The following LRCH1 variants were observed in gnomAD, a reference collection of about 807,000 sequenced individuals.
LRCH1 encodes the protein leucine-rich repeat and calponin homology domain-containing protein 1.
In LRCH1, 23 loss-of-function variants were observed where a neutral mutation model predicts 94.9. That is an observed-to-expected ratio of 0.24 (90% confidence interval 0.17 to 0.34). The LOEUF (loss-of-function observed/expected upper bound fraction) is 0.34, where lower values mean the gene tolerates loss of function less well. Ranked by LOEUF, LRCH1 falls within the 10% of genes least tolerant of loss-of-function variation. The pLI, the probability that LRCH1 is intolerant of heterozygous loss-of-function variation, is 1.00. For missense variants in LRCH1, 790 were observed against 945.9 expected (o/e 0.84, Z 2.16); for synonymous variants, 364 against 354.9 (o/e 1.03, Z -0.29).
At chr13:46,740,104 G>GATT (rs1281527757) in intron 19 of LRCH1, among the ~76,000 whole-genome samples, 2 of 152,134 alleles carry the variant, frequency 1.3e-5, no homozygotes, top group Non-Finnish European at 2.9e-5. Flanking sequence ...GATTTCCCTG[G>GATT]TCAAGCACAA....
At chr13:46,667,811 T>TGAGCAGAAAAATGA (rs2051539859) in intron 2 of LRCH1, among the ~76,000 whole-genome samples, 1 of 152,190 alleles carries the variant, frequency 6.6e-6, no homozygotes, top group Non-Finnish European at 1.5e-5. Context: ...GTTTGGAAAA[T>TGAGCAGAAAAATGA]ACATCAAAGT....
chr13:46,744,910 T>C (rs1873847534), downstream of LRCH1: 46 of 984,172 alleles, frequency 4.7e-5, no homozygotes, highest in Non-Finnish European at 5.5e-5. Context: ...AATGTGCCCT[T>C]TTTTTCTTCT....
At chr13:46,719,708 G>A (rs1872510872) in intron 16 of LRCH1, among the ~76,000 whole-genome samples, 1 of 152,208 alleles carries the variant, frequency 6.6e-6, no homozygotes, top group Non-Finnish European at 1.5e-5. Flanking sequence ...TTCTTTAAAT[G>A]TTATTTATGC....
intron 1 of LRCH1, among the ~76,000 whole-genome samples, chr13:46,621,116 C>T (rs2050875010): frequency 6.6e-6 from 1 of 152,204 alleles, no homozygotes; most frequent in Non-Finnish European, 1.5e-5. Context: ...TTTTTTGATA[C>T]TTTCATCTTT....
chr13:46,692,433 G>T (rs1851324091), intron 7 of LRCH1, 103 bp from the exon 8 acceptor site: 5 of 818,620 alleles, frequency 6.1e-6, no homozygotes, highest in Non-Finnish European at 7.8e-6. Context: ...TATTCAATAT[G>T]ATATTTGTGA....
intron 1 of LRCH1, among the ~76,000 whole-genome samples, chr13:46,582,647 G>GGTTTTTTTTTTTTTTT (rs1470411073): frequency 6.1e-5 from 1 of 16,516 alleles, no homozygotes; most frequent in Non-Finnish European, 1.2e-4. Flanking sequence ...ACCATGCCCA[G>GGTTTTTTTTTTTTTTT]CTTTTTTTTT....
chr13:46,667,281 T>C (rs2051529781), intron 2 of LRCH1, among the ~76,000 whole-genome samples: 1 of 152,124 alleles, frequency 6.6e-6, no homozygotes, highest in South Asian at 2.1e-4. Flanking sequence ...AAAGGTTCTT[T>C]CCACAGCACA....
At chr13:46,599,846 G>A (rs959722713) in intron 1 of LRCH1, among the ~76,000 whole-genome samples, 15 of 152,150 alleles carry the variant, frequency 9.9e-5, no homozygotes, top group African/African-American at 2.9e-4. Flanking sequence ...GACAGTTCAG[G>A]TTATTTGTTA....
rs1873694190 is a variant in LRCH1, at chr13:46,742,137, T to C, written c.*289T>C. ...TAGTGCCAGCAGCAGTGCCACGCAG[T>C]TCCTCCTCTCCCTCCCGGTGAGCTG... is the stretch of plus-strand genomic sequence containing the variant. On this transcript the variant is annotated 3_prime_UTR_variant, in exon 20 of 20. Transcript: ENST00000389797. The C allele has an allele frequency of 2.4e-6, 3 of 1,232,716 alleles. No individual in the cohort carries two copies. The South Asian group carries it at 5.9e-5, about 24-fold the overall frequency. The allele number at this position is 1,232,716 out of a possible 1,614,324, so 76.4% of individuals were successfully genotyped here.
intron 3 of LRCH1, 35 bp from the exon 4 acceptor site, chr13:46,681,706 G>T: frequency 7.2e-7 from 1 of 1,395,444 alleles, no homozygotes. Flanking sequence ...CCTGGAAAAA[G>T]ATGTTTATTA....
At chr13:46,728,821 T>A (rs1384417166) in intron 17 of LRCH1, 26 bp from the exon 18 acceptor site, 1 of 1,580,542 alleles carries the variant, frequency 6.3e-7, no homozygotes, top group East Asian at 2.3e-5. Flanking sequence ...TCATATTAAC[T>A]GGCTTCCTTC....
intron 17 of LRCH1, among the ~76,000 whole-genome samples, chr13:46,723,956 A>G (rs897339803): frequency 6.6e-6 from 1 of 152,064 alleles, no homozygotes; most frequent in Admixed American, 6.6e-5. Context: ...TATTTACTTA[A>G]TAATATTAAA....
At chr13:46,690,040 AACTC>A (rs576068310) in intron 7 of LRCH1, among the ~76,000 whole-genome samples, 94 of 148,894 alleles carry the variant, frequency 6.3e-4, no homozygotes, top group African/African-American at 2.3e-3. Flanking sequence ...CCATCAAAGA[AACTC>A]ACATTTTTTT....
chr13:46,633,952 T>C (rs2051050421), intron 1 of LRCH1, among the ~76,000 whole-genome samples: 1 of 151,486 alleles, frequency 6.6e-6, no homozygotes, highest in South Asian at 2.1e-4. Flanking sequence ...CGATCTCAGT[T>C]CACTGCAACC....
intron 1 of LRCH1, among the ~76,000 whole-genome samples, chr13:46,564,024 T>A (rs971617329): frequency 2.0e-5 from 3 of 151,912 alleles, no homozygotes; most frequent in Non-Finnish European, 4.4e-5. Context: ...CAAAAAAAAA[T>A]GGTGTGAAAC....
At chr13:46,633,994 C>G (rs537773848) in intron 1 of LRCH1, among the ~76,000 whole-genome samples, 1 of 151,988 alleles carries the variant, frequency 6.6e-6, no homozygotes, top group South Asian at 2.1e-4. Context: ...ATTCTCCTGC[C>G]TCAGCCTCCT....
chr13:46,581,522 G>A (rs77882250), intron 1 of LRCH1, among the ~76,000 whole-genome samples: 3 of 152,262 alleles, frequency 2.0e-5, no homozygotes, highest in Non-Finnish European at 2.9e-5. Context: ...TTCCAAGCAC[G>A]TTCGATTTAT....
intron 13 of LRCH1, among the ~76,000 whole-genome samples, chr13:46,711,000 C>A (rs1872033113): frequency 6.6e-6 from 1 of 152,166 alleles, no homozygotes; most frequent in South Asian, 2.1e-4. Context: ...TGGCCACTCT[C>A]ATGGACTCAG....
intron 1 of LRCH1, among the ~76,000 whole-genome samples, chr13:46,631,974 G>A (rs2051023130): frequency 6.6e-6 from 1 of 152,158 alleles, no homozygotes; most frequent in African/African-American, 2.4e-5. Context: ...GGCCAAAGCA[G>A]GTGGATCACT....
Sources: gnomAD v4.1 joint callset for allele counts (sites outside exome capture counted in the v4.1 genomes callset) on GRCh38, gnomAD v4.1.1 for gene constraint, MANE v1.5 for transcripts, NCBI Gene and HGNC (gene_info 2026-07-23, HGNC 2026-07-21) for gene names.